AKAP19: variants seen among roughly 807,000 people sequenced by gnomAD.
AKAP19 encodes the protein small A-kinase anchoring protein.
At chr2:190,139,575 T>C in the AKAP19 span, among the ~76,000 whole-genome samples, 26 of 152,288 alleles carry the variant, frequency 1.7e-4, no homozygotes, top group South Asian at 4.4e-3. Context: ...AACACATTGT[T>C]CTTTGCATGG....
At chr2:189,950,025 T>G in the AKAP19 span, among the ~76,000 whole-genome samples, 1 of 63,268 alleles carries the variant, frequency 1.6e-5, no homozygotes, top group Non-Finnish European at 3.1e-5. Context: ...TTTTTGGTTT[T>G]GGGTTTTTTT....
chr2:190,184,476 A>G, the AKAP19 span, among the ~76,000 whole-genome samples: 3 of 152,224 alleles, frequency 2.0e-5, no homozygotes, highest in Non-Finnish European at 2.9e-5. Context: ...GCATTCATTA[A>G]TCGCCTTGAT....
chr2:190,116,910 G>A, the AKAP19 span, among the ~76,000 whole-genome samples: 1 of 152,168 alleles, frequency 6.6e-6, no homozygotes, highest in African/African-American at 2.4e-5. Flanking sequence ...AGCTTACTAT[G>A]GAAATAATAG....
the AKAP19 span, among the ~76,000 whole-genome samples, chr2:189,967,558 A>G: frequency 6.6e-6 from 1 of 152,246 alleles, no homozygotes; most frequent in Non-Finnish European, 1.5e-5. Flanking sequence ...CTATCGGACT[A>G]AAATAGAGAT....
the AKAP19 span, among the ~76,000 whole-genome samples, chr2:189,908,500 T>C: frequency 6.6e-6 from 1 of 152,132 alleles, no homozygotes; most frequent in Non-Finnish European, 1.5e-5. Flanking sequence ...CCCAGCCCTA[T>C]ATACTTACTT....
At chr2:189,881,269 G>A in the AKAP19 span, among the ~76,000 whole-genome samples, 2 of 152,124 alleles carry the variant, frequency 1.3e-5, no homozygotes, top group Non-Finnish European at 2.9e-5. Flanking sequence ...AAGTCAAGCT[G>A]GGAACTGCTT....
the AKAP19 span, among the ~76,000 whole-genome samples, chr2:189,965,374 ACAGT>A: frequency 2.0e-5 from 3 of 152,194 alleles, no homozygotes; most frequent in Admixed American, 6.6e-5. Flanking sequence ...AATGTGATGT[ACAGT>A]CAAAGTGAGC....
At chr2:190,080,951 G>A in the AKAP19 span, among the ~76,000 whole-genome samples, 4 of 152,048 alleles carry the variant, frequency 2.6e-5, no homozygotes, top group African/African-American at 9.7e-5. Context: ...CTGTGTTCTG[G>A]GTCACTTTGA....
chr2:190,093,042 G>A, the AKAP19 span, among the ~76,000 whole-genome samples: 17 of 152,156 alleles, frequency 1.1e-4, no homozygotes, highest in East Asian at 2.9e-3. Context: ...TGGACCACAC[G>A]TCTGAAGAAA....
At chr2:190,152,804 G>C in the AKAP19 span, among the ~76,000 whole-genome samples, 24 of 151,930 alleles carry the variant, frequency 1.6e-4, no homozygotes, top group African/African-American at 5.3e-4. Flanking sequence ...CTTTTTATTA[G>C]AAAGTTTCTC....
the AKAP19 span, among the ~76,000 whole-genome samples, chr2:190,033,954 G>C: frequency 6.6e-6 from 1 of 152,086 alleles, no homozygotes; most frequent in Non-Finnish European, 1.5e-5. Flanking sequence ...ACACTTAGCA[G>C]TCATGTTGTG....
chr2:189,974,080 A>G, the AKAP19 span, among the ~76,000 whole-genome samples: 2 of 151,876 alleles, frequency 1.3e-5, no homozygotes, highest in Non-Finnish European at 2.9e-5. Context: ...TTAGGGTGTC[A>G]ATTTTAGATC....
At chr2:189,911,545 GA>G in the AKAP19 span, among the ~76,000 whole-genome samples, 2 of 152,004 alleles carry the variant, frequency 1.3e-5, no homozygotes, top group Non-Finnish European at 2.9e-5. Context: ...ATGTGTGGTA[GA>G]AAAATAGTCA....
At chr2:189,975,336 C>T in the AKAP19 span, among the ~76,000 whole-genome samples, 1 of 152,202 alleles carries the variant, frequency 6.6e-6, no homozygotes, top group Non-Finnish European at 1.5e-5. Context: ...TGTAGAGTTT[C>T]TGCTGAGAGA....
the AKAP19 span, chr2:190,055,703 C>CT: frequency 6.6e-6 from 1 of 152,032 alleles, no homozygotes; most frequent in Non-Finnish European, 1.5e-5. Flanking sequence ...ACTGTTGTGT[C>CT]TTTCAAAAAA....
the AKAP19 span, among the ~76,000 whole-genome samples, chr2:190,054,214 G>T: frequency 6.6e-6 from 1 of 151,860 alleles, no homozygotes; most frequent in Non-Finnish European, 1.5e-5. Context: ...TAGTTTTCAG[G>T]TCAAGACAAA....
chr2:189,985,061 A>G, the AKAP19 span, among the ~76,000 whole-genome samples: 1 of 152,160 alleles, frequency 6.6e-6, no homozygotes, highest in South Asian at 2.1e-4. Flanking sequence ...GACCTCCCCA[A>G]CAGTTTGGCA....
the AKAP19 span, among the ~76,000 whole-genome samples, chr2:190,059,052 T>C: frequency 6.6e-6 from 1 of 151,376 alleles, no homozygotes; most frequent in South Asian, 2.1e-4. Flanking sequence ...AATGAAAAAA[T>C]ATTGTATAGT....
chr2:189,885,362 G>A, the AKAP19 span, among the ~76,000 whole-genome samples: 1 of 152,192 alleles, frequency 6.6e-6, no homozygotes, highest in Admixed American at 6.5e-5. Flanking sequence ...GTACAAGCTA[G>A]CCAGATAAAG....
Sources: allele counts gnomAD v4.1 joint callset (sites outside exome capture counted in the v4.1 genomes callset), GRCh38; gene constraint gnomAD v4.1.1; transcripts MANE v1.5; gene names NCBI Gene and HGNC (gene_info 2026-07-23, HGNC 2026-07-21).